Variants in TAFA4 observed in about 807,000 individuals in gnomAD.
The protein encoded by TAFA4 is chemokine-like protein TAFA-4.
Under a neutral mutation model 21.1 loss-of-function variants are expected in TAFA4, and 20 were observed. The observed-to-expected ratio is 0.95, with a 90% CI of 0.67 to 1.38. The LOEUF is 1.38. TAFA4 is among the 40% of genes most tolerant of loss of function. The probability of loss-of-function intolerance (pLI) is 0.00; values close to 1 mark genes in which losing one functional copy is unlikely to be tolerated. For synonymous variants in TAFA4, 71 were observed against 67.4 expected (o/e 1.05, Z -0.26); for missense variants, 211 against 180.9 (o/e 1.17, Z -0.95).
At position 68,885,297 on chromosome 3, in the gene TAFA4, G is replaced by C; in HGVS notation, c.-109C>G. The stretch of plus-strand genomic sequence containing the variant: ...ATTTCTGCCGTTCCAAAAAATTATC[G>C]TAGCTCAGAAGACCTATGTTAAAAA... On this transcript the variant is annotated 5_prime_UTR_variant, in exon 2 of 6. Transcript: ENST00000295569. 1 of 991,466 alleles carries C rather than the reference G, an allele frequency of 1.0e-6. No homozygotes were observed. The highest frequency in any genetic ancestry group is 1.8e-5 in the South Asian group (1 of 56,670). 61.4% of individuals were successfully genotyped at this position (991,466 alleles called of 1,614,324 possible).
chr3:68,732,921 C>T lies in TAFA4; in HGVS notation c.*221G>A. 1 of 549,232 alleles carries T rather than the reference C, an allele frequency of 1.8e-6. No homozygotes were observed. The highest frequency in any genetic ancestry group is 3.2e-6 in the Non-Finnish European group (1 of 314,912). 34.0% of individuals were successfully genotyped at this position (549,232 alleles called of 1,614,324 possible). A position where few individuals can be genotyped will look rare whatever the true frequency, so the allele number is the denominator to read the frequency against. ...CTCCTTGGGAATCCAGAGAGGATGT[C>T]AAATGGGTGGTGGCTTGTGGTTATA... On this transcript the variant is annotated 3_prime_UTR_variant, in exon 6 of 6. Transcript: ENST00000295569.
At chr3:68,906,945 C>T (rs1180703866) in intron 1 of TAFA4, among the ~76,000 whole-genome samples, 4 of 145,454 alleles carry the variant, frequency 2.8e-5, no homozygotes, top group Non-Finnish European at 4.5e-5. Flanking sequence ...GTGGGAAGAT[C>T]ACTTGAGCCC....
intron 3 of TAFA4, among the ~76,000 whole-genome samples, chr3:68,767,741 G>A (rs954733999): frequency 6.6e-6 from 1 of 151,744 alleles, no homozygotes. Context: ...TCAAGCCATA[G>A]TATCTTACAT....
Position 68,808,917 on chromosome 3 carries a change from C to T in TAFA4, c.131-55899G>A, listed in dbSNP as rs566351789. On this transcript the variant is annotated intron_variant, in intron 3 of 5. Transcript: ENST00000295569. ...GGAGTAGGCTTTACCTGGAACATTG[C>T]TGCTTATCATGATAGTAGGAAAAGA... Among the ~76,000 whole-genome samples the T allele has an allele frequency of 1.7e-3, 259 of 152,206 alleles. 1 individual carries two copies. The highest frequency in any genetic ancestry group is 3.4e-3 in the Middle Eastern group (1 of 294).
chr3:68,836,938 T>C (rs114598008), intron 3 of TAFA4, among the ~76,000 whole-genome samples: 2,510 of 152,342 alleles, frequency 0.016, 32 homozygotes, highest in South Asian at 0.031. Flanking sequence ...TTGATAACTC[T>C]GAGAACAGTG....
intron 3 of TAFA4, among the ~76,000 whole-genome samples, chr3:68,759,196 T>G (rs953186986): frequency 6.6e-6 from 1 of 152,230 alleles, no homozygotes; most frequent in Non-Finnish European, 1.5e-5. Flanking sequence ...CTTTTTATTC[T>G]ATTCAGGTCC....
intron 1 of TAFA4, among the ~76,000 whole-genome samples, chr3:68,907,338 C>T (rs1266641675): frequency 6.6e-6 from 1 of 152,116 alleles, no homozygotes; most frequent in African/African-American, 2.4e-5. Flanking sequence ...CTTTAAAGTC[C>T]CCTGCTTTGG....
intron 1 of TAFA4, among the ~76,000 whole-genome samples, chr3:68,885,578 T>C (rs534308638): frequency 6.6e-6 from 1 of 152,276 alleles, no homozygotes; most frequent in South Asian, 2.1e-4. Flanking sequence ...GTATTCAAAA[T>C]TTAACAGAGG....
intron 1 of TAFA4, among the ~76,000 whole-genome samples, chr3:68,922,864 C>T (rs72940809): frequency 0.06 from 9,142 of 152,152 alleles, 703 homozygotes; most frequent in East Asian, 0.18. Flanking sequence ...TTTTCCCCTA[C>T]TACTGAGAAC....
At chr3:68,784,501 C>G (rs1348350346) in intron 3 of TAFA4, among the ~76,000 whole-genome samples, 1 of 152,022 alleles carries the variant, frequency 6.6e-6, no homozygotes, top group East Asian at 1.9e-4. Flanking sequence ...AGTGTTACAG[C>G]TCTTAAGGCG....
intron 3 of TAFA4, among the ~76,000 whole-genome samples, chr3:68,807,667 T>C (rs1456689294): frequency 3.3e-5 from 5 of 152,230 alleles, no homozygotes; most frequent in Non-Finnish European, 7.3e-5. Context: ...TTATATAGTG[T>C]TAGAAATCAC....
chr3:68,850,174 A>T (rs958845341), intron 3 of TAFA4, among the ~76,000 whole-genome samples: 14 of 152,164 alleles, frequency 9.2e-5, no homozygotes, highest in Non-Finnish European at 1.5e-4. Context: ...ATTTATACTA[A>T]ACACTCAGGG....
Position 68,732,775 on chromosome 3 carries a change from C to G in TAFA4, c.*367G>C, listed in dbSNP as rs1220780237. 1 of 217,864 alleles carries G rather than the reference C, an allele frequency of 4.6e-6. No individual in the cohort carries two copies. Among genetic ancestry groups the G allele is most frequent in the African/African-American group, 2.3e-5 (1 of 43,856 alleles). The allele number at this position is 217,864 out of a possible 1,614,324, so 13.5% of individuals were successfully genotyped here. On this transcript the variant is annotated 3_prime_UTR_variant, in exon 6 of 6. Coordinates refer to ENST00000295569, the MANE Select transcript of TAFA4 (RefSeq NM_182522.5). ...TTCAAAAGAGGAACAGAATGAGGAC[C>G]CTTTGGAACATACATCCAAGTTCTT...
At chr3:68,836,719 G>A (rs999686265) in intron 3 of TAFA4, among the ~76,000 whole-genome samples, 7 of 150,256 alleles carry the variant, frequency 4.7e-5, no homozygotes, top group African/African-American at 1.0e-4. Context: ...ATTTACAATA[G>A]TAAGATTTAT....
At chr3:68,882,046 T>G (rs1575656251) in intron 2 of TAFA4, among the ~76,000 whole-genome samples, 1 of 152,214 alleles carries the variant, frequency 6.6e-6, no homozygotes, top group South Asian at 2.1e-4. Context: ...TGCTCATTGA[T>G]TTGAGATTTG....
intron 3 of TAFA4, among the ~76,000 whole-genome samples, chr3:68,813,070 T>G (rs1444858486): frequency 6.6e-6 from 1 of 151,918 alleles, no homozygotes; most frequent in Non-Finnish European, 1.5e-5. Flanking sequence ...TGCTCCTGAG[T>G]GACTACTGGG....
intron 3 of TAFA4, among the ~76,000 whole-genome samples, chr3:68,848,632 A>G (rs1704868196): frequency 6.6e-6 from 1 of 152,214 alleles, no homozygotes; most frequent in East Asian, 1.9e-4. Context: ...TAATATCATT[A>G]CTTTCTTCCC....
At chr3:68,912,482 T>C in intron 1 of TAFA4, among the ~76,000 whole-genome samples, 1 of 152,234 alleles carries the variant, frequency 6.6e-6, no homozygotes, top group Non-Finnish European at 1.5e-5. Flanking sequence ...ATTGGGTTTT[T>C]ATTTTTTGCT....
At chr3:68,920,742 C>T (rs569155219) in intron 1 of TAFA4, among the ~76,000 whole-genome samples, 2 of 150,394 alleles carry the variant, frequency 1.3e-5, no homozygotes, top group East Asian at 2.0e-4. Context: ...CTATCCCCTA[C>T]AATGCAGCCT....
Sources: gnomAD v4.1 joint callset for allele counts (sites outside exome capture counted in the v4.1 genomes callset) on GRCh38, gnomAD v4.1.1 for gene constraint, MANE v1.5 for transcripts, NCBI Gene and HGNC (gene_info 2026-07-23, HGNC 2026-07-21) for gene names.